Variants in PRKAR1A observed in about 807,000 individuals in gnomAD.
PRKAR1A encodes the protein cAMP-dependent protein kinase type I-alpha regulatory subunit.
A neutral mutation model predicts 52.0 loss-of-function variants in PRKAR1A; 3 were observed. That is an observed-to-expected ratio of 0.06 (90% CI 0.03 to 0.15). PRKAR1A has a LOEUF of 0.15. PRKAR1A is among the 10% of genes least tolerant of loss of function. PRKAR1A has a pLI of 1.00. For missense variants in PRKAR1A, 240 were observed against 477.4 expected, an observed-to-expected ratio of 0.50 and a Z score of 4.63; for synonymous variants, 188 against 168.4, an observed-to-expected ratio of 1.12 and a Z score of -0.90.
rs188627341 is a variant in PRKAR1A, at chr17:68,515,606, T to G, written c.177+30T>G. On this transcript the variant is annotated intron_variant, in intron 2 of 10. Transcript: ENST00000589228. Reference sequence around the variant, plus strand: ...AAATAAATGTGGGGAGATGATGAGGTGATTGTGACAGTTGTTACATTTAAT... The same window carrying G: ...AAATAAATGTGGGGAGATGATGAGGGGATTGTGACAGTTGTTACATTTAAT... The G allele has an allele frequency of 1.8e-3, 2,813 of 1,597,406 alleles. 11 individuals carry two copies. Among genetic ancestry groups the G allele is most frequent in the Non-Finnish European group, 2.0e-3 (2,294 of 1,167,664 alleles).
chr17:68,434,161 TC>T, the PRKAR1A span, among the ~76,000 whole-genome samples: 1 of 152,166 alleles, frequency 6.6e-6, no homozygotes, highest in Non-Finnish European at 1.5e-5. Context: ...CTTGGAATCT[TC>T]CAGTTGCTCT....
Position 68,530,501 on chromosome 17 carries a change from C to T in PRKAR1A, c.*52C>T, listed in dbSNP as rs766617570. On this transcript the variant is annotated 3_prime_UTR_variant, in exon 11 of 11. Coordinates refer to ENST00000589228, the MANE Select transcript of PRKAR1A (RefSeq NM_002734.5). The stretch of plus-strand genomic sequence containing the variant: ...TCCTCTCCCCAATCCATGCTTCACT[C>T]ATGCAAACTGCTTTATTTTCCCTAC... The T allele has an allele frequency of 3.0e-5, 49 of 1,613,646 alleles. No individual in the cohort carries two copies. Among genetic ancestry groups the T allele is most frequent in the Non-Finnish European group, 3.9e-5 (46 of 1,179,862 alleles).
At chr17:68,508,254 T>A (rs1307523487), upstream of PRKAR1A, among the ~76,000 whole-genome samples, 2 of 152,220 alleles carry the variant, frequency 1.3e-5, no homozygotes, top group Admixed American at 6.5e-5. Context: ...GTAGCACTAT[T>A]CACAATAGCA....
In PRKAR1A at chr17:68,539,127, AT is replaced by A. The variant is rs573697871; in HGVS notation, c.973+9127del. Among the ~76,000 whole-genome samples, 36 of 152,282 alleles carry A rather than the reference AT, an allele frequency of 2.4e-4. 1 individual carries two copies. The highest frequency in any genetic ancestry group is 2.3e-3 in the Admixed American group (35 of 15,298). ...ATGCAGTAAAAATACCATATTATTA[AT>A]CTTATGAGACCACCGTCATATATGC... On this transcript the variant is annotated intron_variant, in intron 11 of 11. Transcript: ENST00000585981.
At chr17:68,467,417 A>G in the PRKAR1A span, among the ~76,000 whole-genome samples, 2 of 152,188 alleles carry the variant, frequency 1.3e-5, no homozygotes, top group East Asian at 1.9e-4. Context: ...ATCCTTGCCA[A>G]CACTTGTTAT....
the PRKAR1A span, among the ~76,000 whole-genome samples, chr17:68,502,169 A>C: frequency 3.4e-4 from 51 of 151,530 alleles, no homozygotes; most frequent in Admixed American, 6.6e-4. Flanking sequence ...ATTAGAACCC[A>C]AAAGATAAAG....
rs1156315838 is a variant in PRKAR1A, at chr17:68,529,984, G to A, written c.956G>A (p.Gly319Glu). The A allele has an allele frequency of 1.2e-6, 2 of 1,613,900 alleles. No individual in the cohort carries two copies. Among genetic ancestry groups the A allele is most frequent in the African/African-American group, 1.3e-5 (1 of 74,962 alleles). Residue 319 changes from glycine to glutamate, a missense_variant, in exon 10 of 11, where the codon GGG (glycine) becomes GAG (glutamate). Transcript: ENST00000589228. ...NEEFVEVGRL[G>E]PSDYFGEIAL... ...GAGTTTGTTGAAGTGGGAAGATTGG[G>A]GCCTTCTGATTATTTTGGTATGTAT...
the PRKAR1A span, among the ~76,000 whole-genome samples, chr17:68,437,014 A>ATG: frequency 1.2e-5 from 1 of 82,090 alleles, no homozygotes; most frequent in African/African-American, 4.6e-5. Flanking sequence ...AAATATATAT[A>ATG]TATGTGTGTG....
chr17:68,415,979 AT>A, the PRKAR1A span, among the ~76,000 whole-genome samples: 1 of 152,044 alleles, frequency 6.6e-6, no homozygotes, highest in Admixed American at 6.6e-5. Flanking sequence ...GCTGTTTTGT[AT>A]TTTTTTAAGT....
At chr17:68,518,814 A>G (rs1315326537) in intron 2 of PRKAR1A, among the ~76,000 whole-genome samples, 2 of 152,168 alleles carry the variant, frequency 1.3e-5, no homozygotes, top group Non-Finnish European at 2.9e-5. Context: ...TCAGGCTGCA[A>G]ATTTTTCAAG....
At chr17:68,550,140 TG>T (rs1339370947) in intron 11 of PRKAR1A, among the ~76,000 whole-genome samples, 1 of 152,086 alleles carries the variant, frequency 6.6e-6, no homozygotes, top group African/African-American at 2.4e-5. Flanking sequence ...ACCCCCAACT[TG>T]ACTCTAAGTG....
chr17:68,515,696 A>G (rs2085411532), intron 2 of PRKAR1A, 120 bp downstream of exon 2: 4 of 1,216,170 alleles, frequency 3.3e-6, no homozygotes, highest in Non-Finnish European at 4.6e-6. Context: ...AAAAGTCTAA[A>G]ACAATTTCAA....
chr17:68,422,490 A>C, the PRKAR1A span: 1 of 148,704 alleles, frequency 6.7e-6, no homozygotes, highest in South Asian at 2.2e-4. Flanking sequence ...CCAGCACTTT[A>C]GGAGGCTGAG....
chr17:68,518,676 G>C (rs564009783), intron 2 of PRKAR1A, among the ~76,000 whole-genome samples: 2 of 152,248 alleles, frequency 1.3e-5, no homozygotes, highest in Admixed American at 1.3e-4. Flanking sequence ...GAAGGTCTGT[G>C]ACATGCCCTG....
chr17:68,484,458 CTTT>C, the PRKAR1A span, among the ~76,000 whole-genome samples: 130 of 135,530 alleles, frequency 9.6e-4, no homozygotes, highest in Middle Eastern at 7.8e-3. Context: ...ATCGTGGTAT[CTTT>C]TTTTTTTTTT....
chr17:68,548,721 G>GTCTT (rs1568732995), intron 11 of PRKAR1A, among the ~76,000 whole-genome samples: 1 of 132,900 alleles, frequency 7.5e-6, no homozygotes. Flanking sequence ...AGCTATGCCT[G>GTCTT]TATATTTTTT....
rs970250679 is a variant in PRKAR1A, at chr17:68,541,116, C to T, written c.974-9968C>T. 2.1e-4 allele frequency: 214 copies of T among 1,034,566 alleles called. 1 individual carries two copies. Among genetic ancestry groups the T allele is most frequent in the Non-Finnish European group, 1.8e-4 (131 of 717,948 alleles). The allele number at this position is 1,034,566 out of a possible 1,614,324, so 64.1% of individuals were successfully genotyped here. A position where few individuals can be genotyped will look rare whatever the true frequency, so the allele number is the denominator to read the frequency against. On this transcript the variant is annotated intron_variant, in intron 11 of 11. Coordinates refer to the PRKAR1A transcript ENST00000585981. ...TTCAGAAAGGCCCTGGGCAAGGACG[C>T]GTAAGGCTGCATATTCCGTGTGGTG...
At chr17:68,481,769 A>G in the PRKAR1A span, among the ~76,000 whole-genome samples, 3 of 152,132 alleles carry the variant, frequency 2.0e-5, no homozygotes, top group Admixed American at 6.6e-5. Context: ...CACCCATTGT[A>G]TGCTGGTCAG....
chr17:68,529,916 A>G lies in PRKAR1A; in HGVS notation c.892-4A>G, dbSNP rs762579559. 3.1e-6 allele frequency: 5 copies of G among 1,613,980 alleles called. No individual in the cohort carries two copies. The highest frequency in any genetic ancestry group is 4.2e-6 in the Non-Finnish European group (5 of 1,179,876). ...TGTTTAGCTTTTTGGTGATTTTATT[A>G]TAGGGGTCAGCTGCTGTGCTACAAC... On this transcript the variant is annotated splice_polypyrimidine_tract_variant and splice_region_variant and intron_variant, in intron 9 of 10. Coordinates refer to ENST00000589228, the MANE Select transcript of PRKAR1A (RefSeq NM_002734.5).
Sources: allele counts gnomAD v4.1 joint callset (sites outside exome capture counted in the v4.1 genomes callset), GRCh38; gene constraint gnomAD v4.1.1; transcripts MANE v1.5; gene names NCBI Gene and HGNC (gene_info 2026-07-23, HGNC 2026-07-21).